Variants in LAMA3 observed in about 807,000 individuals in gnomAD.
LAMA3 encodes the protein laminin subunit alpha-3.
A neutral mutation model predicts 402.0 loss-of-function variants in LAMA3; 281 were observed. The ratio of observed to expected loss-of-function variants is 0.70; its 90% CI spans 0.63 to 0.77. The LOEUF is 0.77. Among genes scored for constraint, LAMA3 ranks in the 30% least tolerant of loss-of-function variants. The probability of loss-of-function intolerance (pLI) is 0.00; values close to 1 mark genes in which losing one functional copy is unlikely to be tolerated. For synonymous variants in LAMA3, 1,431 were observed against 1,558.4 expected (o/e 0.92, Z 1.93); for missense variants, 3,840 against 4,215.5 (o/e 0.91, Z 2.47).
intron 29 of LAMA3, among the ~76,000 whole-genome samples, chr18:23,844,098 T>C (rs2063762332): frequency 6.6e-6 from 1 of 152,230 alleles, no homozygotes; most frequent in South Asian, 2.1e-4. Flanking sequence ...TCATTTTGCA[T>C]CCCTTGTGCC....
At chr18:23,841,588 G>C (rs936063060) in intron 27 of LAMA3, among the ~76,000 whole-genome samples, 1 of 152,118 alleles carries the variant, frequency 6.6e-6, no homozygotes, top group Non-Finnish European at 1.5e-5. Context: ...AAGGGACAAG[G>C]GTATAATAGG....
At position 23,811,882 on chromosome 18, in the gene LAMA3, A is replaced by T. The variant is rs1031903675; in HGVS notation, c.1742-1175A>T. Among the ~76,000 whole-genome samples, 12 of 150,348 alleles carry T rather than the reference A, an allele frequency of 8.0e-5. No individual in the cohort carries two copies. The South Asian group carries it at 1.5e-3, about 19-fold the overall frequency. Reference sequence around the variant, plus strand: ...TTTTATTTATTTTTGATTTTATTTTATTTTTTTTTGAGACAGAGTCTCGCT... The same window carrying T: ...TTTTATTTATTTTTGATTTTATTTTTTTTTTTTTTGAGACAGAGTCTCGCT... On this transcript the variant is annotated intron_variant, in intron 13 of 74. Transcript: ENST00000313654.
rs1012672009 is a variant in LAMA3, at chr18:23,884,820, G to A, written c.5270G>A (p.Cys1757Tyr). 6.2e-7 allele frequency: 1 copy of A among 1,613,588 alleles called. No homozygotes were observed. The highest frequency in any genetic ancestry group is 8.5e-7 in the Non-Finnish European group (1 of 1,179,874). ...AATGGGGGAGACGTGCGGTGCTCCT[G>A]CAAAGCTGGGTACACAGGAACACAG... ...VVNGGDVRCS[C>Y]KAGYTGTQCE... The change falls in exon 41 of 75, where the codon TGC becomes TAC. Residue 1757 changes from cysteine (C) to tyrosine (Y), a missense_variant. Cys to Tyr is a radical substitution (Grantham distance 194). This residue lies in a region of LAMA3 where 2,109 missense variants were observed against 2,376.0 expected (regional missense o/e 0.89). Coordinates refer to ENST00000313654, the MANE Select transcript of LAMA3 (RefSeq NM_198129.4).
Position 23,748,058 on chromosome 18 carries a change from C to T in LAMA3, c.563C>T (p.Ala188Val). Residue 188 changes from alanine to valine, a missense_variant and splice_region_variant, in exon 3 of 75, where the codon GCT (alanine) becomes GTT (valine). By Grantham distance (64) the Ala-to-Val change is moderately conservative. Coordinates refer to ENST00000313654, the MANE Select transcript of LAMA3 (RefSeq NM_198129.4). ...ACCTACTCACCATGGCAATATTTTGCTCGTAAGTAATCTTGCCTACCATGT... is the reference window on the plus strand; with the variant it reads ...ACCTACTCACCATGGCAATATTTTGTTCGTAAGTAATCTTGCCTACCATGT... ...GSTYSPWQYF[A>V]HSKVDCLKEF... is the part of the protein sequence containing the mutation. 6.5e-7 allele frequency: 1 copy of T among 1,538,236 alleles called. No individual in the cohort carries two copies. The highest frequency in any genetic ancestry group is 2.2e-5 in the East Asian group (1 of 44,506).
At chr18:23,925,193 G>A (rs1313774867) in intron 62 of LAMA3, among the ~76,000 whole-genome samples, 1 of 152,214 alleles carries the variant, frequency 6.6e-6, no homozygotes, top group Non-Finnish European at 1.5e-5. Flanking sequence ...AACCTAACCT[G>A]GAGCAAGGCA....
chr18:23,891,168 G>A (rs933001150), intron 42 of LAMA3, among the ~76,000 whole-genome samples: 5 of 152,154 alleles, frequency 3.3e-5, no homozygotes, highest in Admixed American at 2.6e-4. Context: ...AGAGAGATGC[G>A]GAAATGTGGA....
At chr18:23,892,227 G>A (rs917154842) in intron 42 of LAMA3, among the ~76,000 whole-genome samples, 5 of 152,102 alleles carry the variant, frequency 3.3e-5, no homozygotes, top group African/African-American at 7.2e-5. Context: ...CAGCTTACTC[G>A]CCAGACTAAT....
chr18:23,938,255 AC>A (rs2082372037), intron 67 of LAMA3, among the ~76,000 whole-genome samples: 1 of 151,968 alleles, frequency 6.6e-6, no homozygotes, highest in Non-Finnish European at 1.5e-5. Context: ...TTCTGAACCA[AC>A]CCCTAGTACG....
chr18:23,721,232 C>T (rs1038909182), intron 2 of LAMA3, among the ~76,000 whole-genome samples: 1 of 152,088 alleles, frequency 6.6e-6, no homozygotes, highest in Non-Finnish European at 1.5e-5. Context: ...TTCTGTTTCT[C>T]TGGAGAACGC....
chr18:23,851,233 T>C (rs2063936767), intron 32 of LAMA3, among the ~76,000 whole-genome samples: 1 of 152,194 alleles, frequency 6.6e-6, no homozygotes, highest in Admixed American at 6.5e-5. Context: ...GTGACGGCTG[T>C]AACAGCCACA....
At chr18:23,748,563 G>C (rs1473879482) in intron 3 of LAMA3, among the ~76,000 whole-genome samples, 1 of 151,880 alleles carries the variant, frequency 6.6e-6, no homozygotes, top group Non-Finnish European at 1.5e-5. Context: ...GGGAAGCCAA[G>C]GCAGGCGGGT....
At chr18:23,903,755 A>T (rs2081150517) in intron 49 of LAMA3, among the ~76,000 whole-genome samples, 178 bp from the exon 50 acceptor site, 1 of 152,224 alleles carries the variant, frequency 6.6e-6, no homozygotes, top group Admixed American at 6.5e-5. Context: ...CCTTGGGGAA[A>T]TATTACCAGT....
rs949604753 is a variant in LAMA3, at chr18:23,858,797, C to G, written c.4390C>G (p.Gln1464Glu). 4 of 1,614,024 alleles carry G rather than the reference C, an allele frequency of 2.5e-6. No homozygotes were observed. The highest frequency in any genetic ancestry group is 3.4e-6 in the Non-Finnish European group (4 of 1,179,984). ...TSCFCFGVNNQCHSSHKRRTK... is the reference protein window; with the variant it reads ...TSCFCFGVNNECHSSHKRRTK... The stretch of plus-strand genomic sequence containing the variant: ...CTGTTTCTGTTTTGGAGTAAATAAT[C>G]AATGTCACAGCTCACATAAGCGAAG... Residue 1464 changes from glutamine to glutamate, a missense_variant, in exon 34 of 75, where the codon CAA becomes GAA. Physicochemically the swap from Gln to Glu is conservative, Grantham distance 29. Transcript: ENST00000313654.
At chr18:23,792,963 C>T (rs1172655058) in intron 12 of LAMA3, among the ~76,000 whole-genome samples, 1 of 152,094 alleles carries the variant, frequency 6.6e-6, no homozygotes, top group Admixed American at 6.5e-5. Context: ...CGGGAGACAA[C>T]TGCTATTGAG....
intron 50 of LAMA3, 21 bp downstream of exon 50, chr18:23,904,108 A>ACAT (rs1172345517): frequency 1.9e-6 from 3 of 1,612,490 alleles, no homozygotes; most frequent in African/African-American, 1.3e-5. Context: ...GGCCCAGGAG[A>ACAT]CCAGAAGGGC....
Position 23,763,421 on chromosome 18 carries a change from C to A in LAMA3, c.1080C>A (p.Gly360=). Residue 360 remains glycine, a synonymous_variant, in exon 8 of 75, where the codon GGC becomes GGA. Transcript: ENST00000313654. ...TTTTTTCAGCATGCAACTGCCACGG[C>A]CATGCCAGCAACTGTTACTATGATC... ...SHECEACNCH[G]HASNCYYDPD... The A allele has an allele frequency of 1.2e-6, 2 of 1,612,700 alleles. No individual in the cohort carries two copies. Among genetic ancestry groups the A allele is most frequent in the South Asian group, 1.1e-5 (1 of 91,052 alleles).
chr18:23,749,282 A>T lies in LAMA3; in HGVS notation c.566-146A>T, dbSNP rs57503497. On this transcript the variant is annotated intron_variant, in intron 3 of 74. Coordinates refer to ENST00000313654, the MANE Select transcript of LAMA3 (RefSeq NM_198129.4). ...TTTTCTTTCATGAATTAAAAACTCCATTATCAGCCTTTCTCTAAAAGTTTT... is the reference window on the plus strand; with the variant it reads ...TTTTCTTTCATGAATTAAAAACTCCTTTATCAGCCTTTCTCTAAAAGTTTT... 7.6e-3 allele frequency: 4,569 copies of T among 599,816 alleles called. 146 individuals carry two copies. The highest frequency in any genetic ancestry group is 0.071 in the African/African-American group (3,845 of 53,924). 37.2% of individuals were successfully genotyped at this position (599,816 alleles called of 1,614,324 possible).
At chr18:23,807,874 G>A (rs1357624414) in intron 12 of LAMA3, among the ~76,000 whole-genome samples, 1 of 152,200 alleles carries the variant, frequency 6.6e-6, no homozygotes, top group Non-Finnish European at 1.5e-5. Context: ...AACCACTGTA[G>A]AACCCAAGAA....
chr18:23,855,636 T>C (rs999224930), intron 32 of LAMA3, among the ~76,000 whole-genome samples: 1 of 152,214 alleles, frequency 6.6e-6, no homozygotes, highest in African/African-American at 2.4e-5. Flanking sequence ...GAATGAGTCT[T>C]TCTGTGAGTT....
Sources: gnomAD v4.1 joint callset for allele counts (sites outside exome capture counted in the v4.1 genomes callset) on GRCh38, gnomAD v4.1.1 for gene constraint, gnomAD v4.1.1 regional missense constraint, MANE v1.5 for transcripts, NCBI Gene and HGNC (gene_info 2026-07-23, HGNC 2026-07-21) for gene names.